Variants in OR7D2 observed in about 807,000 individuals in gnomAD.
OR7D2 encodes the protein olfactory receptor 7D2.
For synonymous variants in OR7D2, 158 were observed against 158.7 expected (o/e 1.00, Z 0.03); for missense variants, 370 against 384.1 (o/e 0.96, Z 0.31).
rs1364628242 is a variant in OR7D2, at chr19:9,186,191, ACCCCCACCTCTGTGG to A, written c.413_427del (p.Pro138_Gly142del). The A allele has an allele frequency of 6.2e-7, 1 of 1,613,664 alleles. No homozygotes were observed. On this transcript the variant is annotated inframe_deletion, in exon 3 of 3. Transcript: ENST00000641288. The stretch of plus-strand genomic sequence containing the variant: ...CCTCTGCACTATATGATCATCATGA[ACCCCCACCTCTGTGG>A]CCTCCTGGTTTTTGTCACCTGGCTC...
chr19:9,188,425 T>G lies in OR7D2; in HGVS notation c.*1705T>G, dbSNP rs2051055381. 6.0e-6 allele frequency: 1 copy of G among 166,854 alleles called. No homozygotes were observed. Among genetic ancestry groups the G allele is most frequent in the African/African-American group, 2.4e-5 (1 of 41,436 alleles). 10.3% of individuals were successfully genotyped at this position (166,854 alleles called of 1,614,324 possible). ...CTTTAAGATACCACTTTAAAAAAAG[T>G]CCAGTCCTCCATTGATGGACACGTA... On this transcript the variant is annotated 3_prime_UTR_variant, in exon 3 of 3. Coordinates refer to ENST00000641288, the MANE Select transcript of OR7D2 (RefSeq NM_175883.4).
chr19:9,186,493 C>T lies in OR7D2; in HGVS notation c.712C>T (p.Leu238Phe). 1 of 1,614,086 alleles carries T rather than the reference C, an allele frequency of 6.2e-7. No individual in the cohort carries two copies. Among genetic ancestry groups the T allele is most frequent in the Non-Finnish European group, 8.5e-7 (1 of 1,179,998 alleles). ...MSSSGGKQKA[L>F]STCGSHLSVV... ...CTCATCTGGGGGAAAACAAAAAGCA[C>T]TTTCCACCTGTGGGTCTCACCTCTC... The change falls in exon 3 of 3, where the codon CTT becomes TTT. Residue 238 changes from leucine to phenylalanine, a missense_variant. Physicochemically the swap from Leu to Phe is conservative, Grantham distance 22. Transcript: ENST00000641288.
At chr19:9,182,165 T>C (rs2050994302) in intron 2 of OR7D2, among the ~76,000 whole-genome samples, 1 of 152,224 alleles carries the variant, frequency 6.6e-6, no homozygotes, top group Non-Finnish European at 1.5e-5. Flanking sequence ...TATCAGTTTG[T>C]GAAAATGTCC....
At chr19:9,184,753 GTA>G (rs1278101560) in intron 2 of OR7D2, among the ~76,000 whole-genome samples, 3 of 151,960 alleles carry the variant, frequency 2.0e-5, no homozygotes, top group Non-Finnish European at 4.4e-5. Context: ...TCCATTGTGT[GTA>G]TATATATGTA....
rs2051029132 is a variant in OR7D2, at chr19:9,186,027, G to T, written c.246G>T (p.Leu82=). The change falls in exon 3 of 3, where the codon CTG becomes CTT. Residue 82 remains leucine (L), a synonymous_variant. Transcript: ENST00000641288. ...GCACTTGCATCGTCCCCAAGATGCT[G>T]GTGAACATCCAGACCGAGAACAAAG... ...CFSTCIVPKM[L]VNIQTENKAI... 2 of 1,614,062 alleles carry T rather than the reference G, an allele frequency of 1.2e-6. No individual in the cohort carries two copies. Among genetic ancestry groups the T allele is most frequent in the Non-Finnish European group, 1.7e-6 (2 of 1,179,966 alleles).
intron 1 of OR7D2, 24 bp downstream of exon 1, chr19:9,179,147 C>T (rs759744626): frequency 4.6e-5 from 7 of 151,740 alleles, no homozygotes; most frequent in Non-Finnish European, 1.0e-4. Flanking sequence ...CTCACACTAT[C>T]CTTGTTAGTA....
chr19:9,186,679 G>GC lies in OR7D2; in HGVS notation c.901dup (p.Leu301ProfsTer35). Reference sequence around the variant, plus strand: ...CCTGAGGAACAAGGATGTGAAGGGAGCCCTGGGGAGTCTCCTCAGCAGGGC... The same window carrying GC: ...CCTGAGGAACAAGGATGTGAAGGGAGCCCCTGGGGAGTCTCCTCAGCAGGGC... On this transcript the variant is annotated frameshift_variant, in exon 3 of 3. Transcript: ENST00000641288. LOFTEE classifies it low-confidence loss of function (END_TRUNC). 6 of 1,613,586 alleles carry GC rather than the reference G, an allele frequency of 3.7e-6. No individual in the cohort carries two copies. The South Asian group carries it at 6.6e-5, about 18-fold the overall frequency.
rs550124853 is a variant in OR7D2 at position 9,179,319 on chromosome 19, C to T, written c.-105+196C>T. Among the ~76,000 whole-genome samples the T allele has an allele frequency of 3.9e-5, 6 of 152,038 alleles. No individual in the cohort carries two copies. The South Asian group carries it at 1.0e-3, about 26-fold the overall frequency. On this transcript the variant is annotated intron_variant, in intron 1 of 2. Transcript: ENST00000641288. ...TTTTGGGAGGCTGAGGCAGGCGGAT[C>T]GCTTGAGGCCAGGAGTCTAAGACAA...
chr19:9,182,898 G>C (rs1358524008), intron 2 of OR7D2: 4 of 380,640 alleles, frequency 1.1e-5, no homozygotes, highest in Non-Finnish European at 2.1e-5. Context: ...TCAGCAAATT[G>C]ACCTGGGCCA....
chr19:9,183,306 G>A (rs1024965237), intron 2 of OR7D2, among the ~76,000 whole-genome samples: 4 of 152,122 alleles, frequency 2.6e-5, no homozygotes, highest in South Asian at 2.1e-4. Context: ...ACATGGTCTC[G>A]CCCTGTCACC....
At chr19:9,182,772 C>T (rs2051000239) in intron 2 of OR7D2, 3 of 171,466 alleles carry the variant, frequency 1.7e-5, no homozygotes, top group South Asian at 1.5e-4. Context: ...CCGCCCTCCT[C>T]GGCCTCCCAA....
rs2051034497 is a variant in OR7D2, at chr19:9,186,408, TC to T, written c.631del (p.Leu211SerfsTer15). On this transcript the variant is annotated frameshift_variant, in exon 3 of 3. Coordinates refer to ENST00000641288, the MANE Select transcript of OR7D2 (RefSeq NM_175883.4). LOFTEE classifies it low-confidence loss of function (END_TRUNC). ...TTATGACGGGTGTGCTGGGCGTTTT[TC>T]CCCTCCTTGGGATCATTTTCTCTTA... is the stretch of plus-strand genomic sequence containing the variant. ...YFMTGVLGVF[P>X]LLGIIFSYSR... 6.2e-7 allele frequency: 1 copy of T among 1,614,062 alleles called. No individual in the cohort carries two copies. Among genetic ancestry groups the T allele is most frequent in the South Asian group, 1.1e-5 (1 of 91,088 alleles).
rs558598068 is a variant in OR7D2 at position 9,181,219 on chromosome 19, C to T, written c.-14+431C>T. ...TATATAGTATTATAGATATATAATACACTATTTGCTATATACTATATTAGT... is the reference window on the plus strand; with the variant it reads ...TATATAGTATTATAGATATATAATATACTATTTGCTATATACTATATTAGT... On this transcript the variant is annotated intron_variant, in intron 2 of 2. Coordinates refer to ENST00000641288, the MANE Select transcript of OR7D2 (RefSeq NM_175883.4). 3.4e-5 allele frequency among the ~76,000 whole-genome samples: 5 copies of T among 148,666 alleles called. No homozygotes were observed. In the South Asian group the frequency reaches 8.4e-4, roughly 25 times the overall value.
intron 1 of OR7D2, among the ~76,000 whole-genome samples, 173 bp from the exon 2 acceptor site, chr19:9,180,525 T>G (rs1331065414): frequency 2.0e-5 from 3 of 152,200 alleles, no homozygotes; most frequent in Non-Finnish European, 4.4e-5. Flanking sequence ...ATATTAAATT[T>G]TTTACACTCT....
At position 9,186,319 on chromosome 19, in the gene OR7D2, G is replaced by A. The variant is rs139290048; in HGVS notation, c.538G>A (p.Glu180Lys). ...TTTTGAAATTCCACATTTTTTCTGCGAACTGACGTACATCCTCCAGCTGGC... is the reference window on the plus strand; with the variant it reads ...TTTTGAAATTCCACATTTTTTCTGCAAACTGACGTACATCCTCCAGCTGGC... ...KDFEIPHFFCELTYILQLACS... is the reference protein window; with the variant it reads ...KDFEIPHFFCKLTYILQLACS... The change falls in exon 3 of 3, where the codon GAA (glutamate) becomes AAA (lysine). Residue 180 changes from glutamate to lysine, a missense_variant. Glu to Lys is a moderately conservative substitution (Grantham distance 56, BLOSUM62 1). Transcript: ENST00000641288. The A allele has an allele frequency of 4.0e-5, 65 of 1,613,758 alleles. No individual in the cohort carries two copies. The highest frequency in any genetic ancestry group is 2.4e-4 in the African/African-American group (18 of 74,828).
Position 9,187,470 on chromosome 19 carries a change from T to G in OR7D2, c.*750T>G, listed in dbSNP as rs979727952. 1 of 165,228 alleles carries G rather than the reference T, an allele frequency of 6.1e-6. No homozygotes were observed. Among genetic ancestry groups the G allele is most frequent in the Non-Finnish European group, 1.5e-5 (1 of 68,040 alleles). 10.2% of individuals were successfully genotyped at this position (165,228 alleles called of 1,614,324 possible). A position where few individuals can be genotyped will look rare whatever the true frequency, so the allele number is the denominator to read the frequency against. On this transcript the variant is annotated 3_prime_UTR_variant, in exon 3 of 3. Coordinates refer to ENST00000641288, the MANE Select transcript of OR7D2 (RefSeq NM_175883.4). ...CGATATCTATATAGATATAGACATA[T>G]GTAGATACATACCATGTTTTCTTTT...
At position 9,186,379 on chromosome 19, in the gene OR7D2, T is replaced by A. The variant is rs375997272; in HGVS notation, c.598T>A (p.Tyr200Asn). The A allele has an allele frequency of 6.2e-7, 1 of 1,614,120 alleles. No homozygotes were observed. The highest frequency in any genetic ancestry group is 8.5e-7 in the Non-Finnish European group (1 of 1,180,000). ...SDTFLNSTLI[Y>N]FMTGVLGVFP... ...TACCTTCCTGAACAGCACGTTGATA[T>A]ACTTTATGACGGGTGTGCTGGGCGT... The change falls in exon 3 of 3, where the codon TAC becomes AAC. Residue 200 changes from tyrosine to asparagine, a missense_variant. By Grantham distance (143) the Tyr-to-Asn change is moderately radical. Transcript: ENST00000641288.
At chr19:9,183,603 GTTAGCTAACAATTGGCTCTATTA>G (rs1173588346) in intron 2 of OR7D2, among the ~76,000 whole-genome samples, 5 of 151,858 alleles carry the variant, frequency 3.3e-5, no homozygotes, top group Non-Finnish European at 5.9e-5. Context: ...ATTACTAGCG[GTTAGCTAACAATTGGCTCTATTA>G]TTAGCTAACT....
At position 9,187,730 on chromosome 19, in the gene OR7D2, AC is replaced by A. The variant is rs1277807124; in HGVS notation, c.*1011del. On this transcript the variant is annotated 3_prime_UTR_variant, in exon 3 of 3. Coordinates refer to ENST00000641288, the MANE Select transcript of OR7D2 (RefSeq NM_175883.4). ...GCTTAGCTCCCACTTATAACTGAGAACATACGATATGTTCATATGGATCTTA... is the reference window on the plus strand; with the variant it reads ...GCTTAGCTCCCACTTATAACTGAGAAATACGATATGTTCATATGGATCTTA... 3 of 166,926 alleles carry A rather than the reference AC, an allele frequency of 1.8e-5. No homozygotes were observed. The highest frequency in any genetic ancestry group is 4.4e-5 in the Non-Finnish European group (3 of 68,088). The allele number at this position is 166,926 out of a possible 1,614,324, so 10.3% of individuals were successfully genotyped here. A position where few individuals can be genotyped will look rare whatever the true frequency, so the allele number is the denominator to read the frequency against.
Sources: allele counts gnomAD v4.1 joint callset (sites outside exome capture counted in the v4.1 genomes callset), GRCh38; gene constraint gnomAD v4.1.1; transcripts MANE v1.5; gene names NCBI Gene and HGNC (gene_info 2026-07-23, HGNC 2026-07-21).